The following THNSL2 variants were observed in gnomAD, a reference collection of about 807,000 sequenced individuals.
The protein encoded by THNSL2 is threonine synthase like 2, also known as threonine synthase-like 2.
THNSL2 carries 34 observed loss-of-function variants against 40.0 expected under a neutral mutation model. That is an observed-to-expected ratio of 0.85 (90% CI 0.65 to 1.13). THNSL2 has a LOEUF of 1.13. Ranked by LOEUF, THNSL2 falls within the 50% of genes most tolerant of loss-of-function variation. THNSL2 has a pLI of 0.00. For missense variants in THNSL2, 537 were observed against 608.8 expected (o/e 0.88, Z 1.24); for synonymous variants, 241 against 247.5 (o/e 0.97, Z 0.25).
intron 7 of THNSL2, among the ~76,000 whole-genome samples, chr2:88,185,047 G>C (rs1037823485): frequency 6.6e-6 from 1 of 152,174 alleles, no homozygotes; most frequent in Non-Finnish European, 1.5e-5. Context: ...GAGCCTTCTG[G>C]CTGTGGCAAG....
chr2:88,174,331 C>T (rs186079863), intron 2 of THNSL2, among the ~76,000 whole-genome samples: 1 of 152,134 alleles, frequency 6.6e-6, no homozygotes, highest in East Asian at 1.9e-4. Flanking sequence ...TTAATTGACC[C>T]CTGATTGGAA....
chr2:88,184,177 T>C (rs1486577752), intron 7 of THNSL2, among the ~76,000 whole-genome samples: 1 of 152,208 alleles, frequency 6.6e-6, no homozygotes, highest in East Asian at 1.9e-4. Context: ...TGTGCTTCTT[T>C]TGATGCACCC....
chr2:88,171,285 G>A (rs1056115106), intron 1 of THNSL2: 3 of 456,546 alleles, frequency 6.6e-6, no homozygotes, highest in Admixed American at 4.7e-5. Flanking sequence ...AACAGGGACA[G>A]TCCTGTTGCG....
intron 2 of THNSL2, 66 bp downstream of exon 2, chr2:88,173,439 T>C: frequency 7.8e-7 from 1 of 1,277,450 alleles, no homozygotes; most frequent in South Asian, 1.9e-5. Context: ...GAATTGTAAA[T>C]CCATCACCAA....
chr2:88,180,342 A>G (rs74515733), intron 5 of THNSL2, among the ~76,000 whole-genome samples: 3,775 of 152,296 alleles, frequency 0.025, 161 homozygotes, highest in African/African-American at 0.086. Context: ...AGGTGAAATA[A>G]GAAAGAGAAA....
rs769791655 is a variant in THNSL2, at chr2:88,178,814, G to T, written c.603G>T (p.Pro201=). ...GAAACAGCGATGAGCTCGATGAGCC[G>T]ATCAAGACTGTGTTTGCCGATGTGG... ...VEGNSDELDE[P]IKTVFADVAF... is the part of the protein sequence containing the mutation. Residue 201 remains proline, a synonymous_variant, in exon 5 of 9, where the codon CCG becomes CCT. Coordinates refer to ENST00000674334, the MANE Select transcript of THNSL2 (RefSeq NM_018271.5). 1.2e-6 allele frequency: 2 copies of T among 1,614,062 alleles called. No individual in the cohort carries two copies. Among genetic ancestry groups the T allele is most frequent in the East Asian group, 2.2e-5 (1 of 44,860 alleles).
rs771565643 is a variant in THNSL2 at position 88,175,301 on chromosome 2, G to C, written c.471G>C (p.Lys157Asn). ...SAAIESVQGA[K>N]NMDIIVLLPK... is the part of the protein sequence containing the mutation. Reference sequence around the variant, plus strand: ...CCATTGAGAGTGTTCAAGGGGCAAAGAACATGGACATTATCGTTCTGCTGC... The same window carrying C: ...CCATTGAGAGTGTTCAAGGGGCAAACAACATGGACATTATCGTTCTGCTGC... The change falls in exon 4 of 9, where the codon AAG becomes AAC. Residue 157 changes from lysine to asparagine, a missense_variant. By Grantham distance (94) the Lys-to-Asn change is moderately conservative. Transcript: ENST00000674334. 2 of 1,614,232 alleles carry C rather than the reference G, an allele frequency of 1.2e-6. No homozygotes were observed. Among genetic ancestry groups the C allele is most frequent in the South Asian group, 1.1e-5 (1 of 91,086 alleles).
chr2:88,173,382 TC>T lies in THNSL2; in HGVS notation c.223+12del. On this transcript the variant is annotated intron_variant, in intron 2 of 8. Coordinates refer to ENST00000674334, the MANE Select transcript of THNSL2 (RefSeq NM_018271.5). ...AAAAGATGAATTAAATGGTGAGTGC[TC>T]CCACCTGTACTTTCACTCTTCCAGC... The T allele has an allele frequency of 6.3e-7, 1 of 1,587,052 alleles. No individual in the cohort carries two copies.
intron 2 of THNSL2, 114 bp downstream of exon 2, chr2:88,173,487 T>C (rs1676580764): frequency 4.0e-6 from 3 of 740,990 alleles, no homozygotes. Context: ...CTTCTCAAAC[T>C]TTGTTTTATT....
intron 7 of THNSL2, among the ~76,000 whole-genome samples, chr2:88,184,357 G>T (rs563344894): frequency 6.6e-6 from 1 of 152,310 alleles, no homozygotes; most frequent in South Asian, 2.1e-4. Context: ...ATGCATTCAT[G>T]TTATATATCT....
intron 1 of THNSL2, 50 bp from the exon 2 acceptor site, chr2:88,173,089 G>T: frequency 7.4e-7 from 1 of 1,345,890 alleles, no homozygotes. Flanking sequence ...TTGCCCGGTG[G>T]GGTGTGGGAG....
At chr2:88,183,763 G>C (rs1182995079) in intron 7 of THNSL2, 1 of 148,790 alleles carries the variant, frequency 6.7e-6, no homozygotes, top group Non-Finnish European at 1.5e-5. Context: ...ATGCAACCTG[G>C]TGATGGTACT....
intron 1 of THNSL2, 34 bp from the exon 2 acceptor site, chr2:88,173,105 A>C (rs1044852725): frequency 2.1e-6 from 3 of 1,444,246 alleles, no homozygotes; most frequent in Middle Eastern, 2.7e-4. Flanking sequence ...GGGAGCTTGG[A>C]GACCAGGTGC....
intron 5 of THNSL2, among the ~76,000 whole-genome samples, chr2:88,181,826 T>A (rs1677722778): frequency 6.6e-6 from 1 of 152,134 alleles, no homozygotes; most frequent in Non-Finnish European, 1.5e-5. Flanking sequence ...CTATTTTGTC[T>A]CTATATATAG....
At position 88,185,982 on chromosome 2, in the gene THNSL2, C is replaced by T. The variant is rs926241257; in HGVS notation, c.1314C>T (p.Pro438=). ...CTGCTGGCCTGACCCCTGAGACTCC[C>T]GCGGAGATCGTAGCCCTGGAGCACA... The part of the protein sequence containing the change: ...VLAAGLTPET[P]AEIVALEHKE... Residue 438 remains proline (P), a synonymous_variant, in exon 9 of 9, where the codon CCC becomes CCT. Coordinates refer to ENST00000674334, the MANE Select transcript of THNSL2 (RefSeq NM_018271.5). 5.6e-6 allele frequency: 9 copies of T among 1,612,742 alleles called. No individual in the cohort carries two copies. Among genetic ancestry groups the T allele is most frequent in the Admixed American group, 1.7e-5 (1 of 59,904 alleles).
chr2:88,185,896 A>T lies in THNSL2; in HGVS notation c.1230-2A>T. 6.3e-7 allele frequency: 1 copy of T among 1,595,738 alleles called. No homozygotes were observed. The highest frequency in any genetic ancestry group is 8.5e-7 in the Non-Finnish European group (1 of 1,171,790). ...GGGTGCCACCTGCCCCCATCCCCACAGCACTCCCCGGTGCTGCCTCGCCCC... is the reference window on the plus strand; with the variant it reads ...GGGTGCCACCTGCCCCCATCCCCACTGCACTCCCCGGTGCTGCCTCGCCCC... On this transcript the variant is annotated splice_acceptor_variant, in intron 8 of 8. Transcript: ENST00000674334. LOFTEE classifies it high-confidence loss of function.
At chr2:88,182,150 A>G (rs759133842) in intron 5 of THNSL2, among the ~76,000 whole-genome samples, 20 of 152,206 alleles carry the variant, frequency 1.3e-4, no homozygotes, top group Non-Finnish European at 2.5e-4. Flanking sequence ...TCTGGGTTAT[A>G]TGATAACTCT....
intron 3 of THNSL2, 51 bp from the exon 4 acceptor site, chr2:88,175,198 G>A (rs528404098): frequency 1.5e-5 from 24 of 1,577,824 alleles, no homozygotes; most frequent in South Asian, 2.3e-5. Flanking sequence ...TTCTTTCCTC[G>A]TTCATTCCCT....
chr2:88,175,203 T>C, intron 3 of THNSL2, 46 bp from the exon 4 acceptor site: 1 of 1,582,862 alleles, frequency 6.3e-7, no homozygotes, highest in East Asian at 2.2e-5. Context: ...TCCTCGTTCA[T>C]TCCCTTTGTT....
Sources: gnomAD v4.1 joint callset for allele counts (sites outside exome capture counted in the v4.1 genomes callset) on GRCh38, gnomAD v4.1.1 for gene constraint, MANE v1.5 for transcripts, NCBI Gene and HGNC (gene_info 2026-07-23, HGNC 2026-07-21) for gene names.